The following SELENOP variants were observed in gnomAD, a reference collection of about 807,000 sequenced individuals.
The protein encoded by SELENOP is selenoprotein P, plasma, 1.
In SELENOP, 36 loss-of-function variants were observed where a neutral mutation model predicts 41.0. The observed-to-expected ratio is 0.88, with a 90% CI of 0.67 to 1.16. SELENOP has a LOEUF of 1.16. Ranked by LOEUF, SELENOP falls within the 50% of genes most tolerant of loss-of-function variation. The pLI is 0.00. For missense variants in SELENOP, 440 were observed against 454.2 expected (o/e 0.97, Z 0.28); for synonymous variants, 144 against 150.8 (o/e 0.95, Z 0.33).
intron 1 of SELENOP, among the ~76,000 whole-genome samples, chr5:42,811,447 C>T (rs1230324921): frequency 6.6e-6 from 1 of 152,224 alleles, no homozygotes; most frequent in Admixed American, 6.5e-5. Flanking sequence ...AGTGTCTGCT[C>T]TTCAAATCCA....
At position 42,808,906 on chromosome 5, in the gene SELENOP, C is replaced by T. The variant is rs1373555095; in HGVS notation, c.-13-540G>A. Among the ~76,000 whole-genome samples the T allele has an allele frequency of 4.2e-5, 6 of 142,670 alleles. No homozygotes were observed. The South Asian group carries it at 9.4e-4, about 22-fold the overall frequency. The allele number at this position is 142,670 out of a possible 152,430, so 93.6% of individuals were successfully genotyped here. On this transcript the variant is annotated intron_variant, in intron 1 of 4. Coordinates refer to ENST00000514985, the MANE Select transcript of SELENOP (RefSeq NM_005410.4). ...CTGCACTCCAGCCTGGGCGACAGAA[C>T]GAGACTCTGTCTCAAAAAAAAAAAA... is the stretch of plus-strand genomic sequence containing the variant.
chr5:42,804,907 T>G, intron 3 of SELENOP, 134 bp from the exon 4 acceptor site: 2 of 529,464 alleles, frequency 3.8e-6, no homozygotes, highest in East Asian at 6.3e-5. Flanking sequence ...TAAATTTCTT[T>G]GGATGAGAGC....
chr5:42,807,090 T>C lies in SELENOP; in HGVS notation c.222A>G (p.Val74=), dbSNP rs1760348671. The C allele has an allele frequency of 6.7e-7, 1 of 1,493,372 alleles. No homozygotes were observed. 92.5% of individuals were successfully genotyped at this position (1,493,372 alleles called of 1,614,324 possible). Residue 74 remains valine, a synonymous_variant, in exon 3 of 5, where the codon GTA becomes GTG. Transcript: ENST00000514985. ...LQASKLEDLR[V]KLKKEGYSNI... ...TAGAATATCCTTCTTTCTTCAGTTT[T>C]ACTCGCAGGTCTTCTAATCTAAAAT... is the stretch of plus-strand genomic sequence containing the variant.
chr5:42,802,206 G>A (rs949161514), intron 4 of SELENOP: 3 of 152,028 alleles, frequency 2.0e-5, no homozygotes, highest in East Asian at 1.9e-4. Flanking sequence ...TATCCATTCC[G>A]CATGATCCTA....
At position 42,808,182 on chromosome 5, in the gene SELENOP, T is replaced by G; in HGVS notation, c.172A>C (p.Ser58Arg). The change falls in exon 2 of 5, where the codon AGC becomes CGC. Residue 58 changes from serine to arginine, a missense_variant. By Grantham distance (110) the Ser-to-Arg change is moderately radical. Transcript: ENST00000514985. ...SVTVVALLQA[S>R]UYLCILQASK... is the part of the protein sequence containing the mutation. ...GCCTGCAGTATGCACAGGTATCAGC[T>G]GGCTTGAAGAAGAGCAACCACAGTC... is the stretch of plus-strand genomic sequence containing the variant. 1 of 1,567,440 alleles carries G rather than the reference T, an allele frequency of 6.4e-7. No homozygotes were observed. Among genetic ancestry groups the G allele is most frequent in the Non-Finnish European group, 8.6e-7 (1 of 1,158,330 alleles).
rs1760169050 is a variant in SELENOP at position 42,800,771 on chromosome 5, G to A, written c.1095C>T (p.Ala365=). ...SQQLIPTEAS[A]SURUKNQAKK... is the part of the protein sequence containing the mutation. ...TTGCCTGATTCTTTCAGCGTCAACTGGCACTGGCTTCTGTGGGTATAAGCT... is the reference window on the plus strand; with the variant it reads ...TTGCCTGATTCTTTCAGCGTCAACTAGCACTGGCTTCTGTGGGTATAAGCT... The change falls in exon 5 of 5, where the codon GCC becomes GCT. Residue 365 remains alanine (A), a synonymous_variant. Transcript: ENST00000514985. The A allele has an allele frequency of 6.2e-7, 1 of 1,612,740 alleles. No homozygotes were observed. Among genetic ancestry groups the A allele is most frequent in the African/African-American group, 1.3e-5 (1 of 74,896 alleles).
At chr5:42,810,888 T>C in intron 1 of SELENOP, 4 of 384,614 alleles carry the variant, frequency 1.0e-5, no homozygotes, top group Non-Finnish European at 1.5e-5. Flanking sequence ...GTTCACACTT[T>C]CGGATTTCTT....
chr5:42,810,155 A>T (rs952691571), intron 1 of SELENOP, among the ~76,000 whole-genome samples: 2 of 152,336 alleles, frequency 1.3e-5, no homozygotes, highest in South Asian at 4.1e-4. Flanking sequence ...AGAGAAAGTC[A>T]GTCACAAAAG....
At position 42,808,298 on chromosome 5, in the gene SELENOP, G is replaced by T. The variant is rs1223824857; in HGVS notation, c.56C>A (p.Thr19Lys). 1.3e-6 allele frequency: 2 copies of T among 1,534,352 alleles called. No homozygotes were observed. The change falls in exon 2 of 5, where the codon ACA (threonine) becomes AAA (lysine). Residue 19 changes from threonine (T) to lysine (K), a missense_variant. Coordinates refer to ENST00000514985, the MANE Select transcript of SELENOP (RefSeq NM_005410.4). Reference protein sequence around the residue: ...LALCLLPSGGTESQDQSSLCK... With the variant: ...LALCLLPSGGKESQDQSSLCK... ...TAAGGAGCTTTGGTCCTGGCTCTCT[G>T]TTCCTCCCGATGGGAGGAGACAGAG... is the stretch of plus-strand genomic sequence containing the variant.
intron 4 of SELENOP, among the ~76,000 whole-genome samples, chr5:42,804,236 C>A (rs1339263314): frequency 1.3e-5 from 2 of 152,134 alleles, no homozygotes; most frequent in East Asian, 3.8e-4. Flanking sequence ...CCGAGGCGGG[C>A]GTATCACAAG....
rs767050970 is a variant in SELENOP at position 42,800,794 on chromosome 5, G to A, written c.1072C>T (p.Leu358Phe). Residue 358 changes from leucine (L) to phenylalanine (F), a missense_variant, in exon 5 of 5, where the codon CTT becomes TTT. Coordinates refer to ENST00000514985, the MANE Select transcript of SELENOP (RefSeq NM_005410.4). ...CTGGCACTGGCTTCTGTGGGTATAA[G>A]CTGCTGACTTATTTGTCAGGCAGCT... The part of the protein sequence containing the change: ...PPAAUQISQQ[L>F]IPTEASASUR... The A allele has an allele frequency of 6.8e-6, 11 of 1,614,172 alleles. No homozygotes were observed. In the South Asian group the frequency reaches 1.2e-4, roughly 18 times the overall value.
chr5:42,799,924 T>C lies in SELENOP; in HGVS notation c.*796A>G. On this transcript the variant is annotated 3_prime_UTR_variant, in exon 5 of 5. Transcript: ENST00000514985. ...TGAATTTATTTGGACAAATCCGTACTGTATCCAATTCTGTACTGCATTCTT... is the reference window on the plus strand; with the variant it reads ...TGAATTTATTTGGACAAATCCGTACCGTATCCAATTCTGTACTGCATTCTT... 3 of 895,768 alleles carry C rather than the reference T, an allele frequency of 3.3e-6. No individual in the cohort carries two copies. Among genetic ancestry groups the C allele is most frequent in the South Asian group, 1.6e-5 (1 of 61,078 alleles). 55.5% of individuals were successfully genotyped at this position (895,768 alleles called of 1,614,324 possible). A position where few individuals can be genotyped will look rare whatever the true frequency, so the allele number is the denominator to read the frequency against.
intron 1 of SELENOP, chr5:42,809,910 T>G (rs1321034075): frequency 5.1e-6 from 1 of 195,036 alleles, no homozygotes; most frequent in African/African-American, 2.4e-5. Context: ...AAGAAGAAGA[T>G]ATATTTGGAC....
In SELENOP at chr5:42,801,157, G is replaced by A. The variant is rs569570677; in HGVS notation, c.709C>T (p.His237Tyr). 6.2e-7 allele frequency: 1 copy of A among 1,614,158 alleles called. No individual in the cohort carries two copies. The highest frequency in any genetic ancestry group is 1.3e-5 in the African/African-American group (1 of 75,020). ...QQPGAPNAPT[H>Y]PAPPGLHHHH... is the part of the protein sequence containing the mutation. ...TGATGAAGGCCTGGAGGAGCAGGAT[G>A]AGTAGGAGCATTTGGTGCTCCTGGT... Residue 237 changes from histidine to tyrosine, a missense_variant, in exon 5 of 5, where the codon CAT becomes TAT. Transcript: ENST00000514985.
chr5:42,802,906 G>A (rs1346262440), intron 4 of SELENOP, among the ~76,000 whole-genome samples: 1 of 152,204 alleles, frequency 6.6e-6, no homozygotes, highest in Non-Finnish European at 1.5e-5. Flanking sequence ...ACCGCACCCT[G>A]CCAGTAGTCT....
In SELENOP at chr5:42,800,049, A is replaced by T. The variant is rs1200634508; in HGVS notation, c.*671T>A. 8.8e-6 allele frequency: 3 copies of T among 341,980 alleles called. No individual in the cohort carries two copies. Among genetic ancestry groups the T allele is most frequent in the African/African-American group, 2.1e-5 (1 of 46,556 alleles). The allele number at this position is 341,980 out of a possible 1,614,324, so 21.2% of individuals were successfully genotyped here. On this transcript the variant is annotated 3_prime_UTR_variant, in exon 5 of 5. Transcript: ENST00000514985. The stretch of plus-strand genomic sequence containing the variant: ...GAAATACTTACTAAGCAATATAGAG[A>T]CAGACAATATTATCTTTCCCCTTAT...
Position 42,806,993 on chromosome 5 carries a change from C to A in SELENOP, c.319G>T (p.Val107Phe). Residue 107 changes from valine to phenylalanine, a missense_variant, in exon 3 of 5, where the codon GTT (valine) becomes TTT (phenylalanine). Transcript: ENST00000514985. ...TGATAAACAGGAATATGCTCTGAAA[C>A]CTTATTCTTAAGATGTGTGTATTTT... ...RLKYTHLKNK[V>F]SEHIPVYQQE... The A allele has an allele frequency of 1.9e-6, 3 of 1,607,484 alleles. No individual in the cohort carries two copies. The highest frequency in any genetic ancestry group is 2.6e-6 in the Non-Finnish European group (3 of 1,174,688).
At position 42,808,317 on chromosome 5, in the gene SELENOP, G is replaced by A. The variant is rs370888824; in HGVS notation, c.37C>T (p.Leu13Phe). Residue 13 changes from leucine to phenylalanine, a missense_variant, in exon 2 of 5, where the codon CTC becomes TTC. Coordinates refer to ENST00000514985, the MANE Select transcript of SELENOP (RefSeq NM_005410.4). ...CTCTCTGTTCCTCCCGATGGGAGGA[G>A]ACAGAGAGCCAGGGCAAGCCCCAGG... ...RSLGLALALC[L>F]LPSGGTESQD... 77 of 1,459,574 alleles carry A rather than the reference G, an allele frequency of 5.3e-5. No individual in the cohort carries two copies. Among genetic ancestry groups the A allele is most frequent in the South Asian group, 4.0e-4 (27 of 67,166 alleles). The allele number at this position is 1,459,574 out of a possible 1,614,324, so 90.4% of individuals were successfully genotyped here.
At chr5:42,809,671 T>C (rs1760418206) in intron 1 of SELENOP, 1 of 317,606 alleles carries the variant, frequency 3.1e-6, no homozygotes, top group African/African-American at 2.2e-5. Context: ...TAAAATCAGA[T>C]TGATCTGGGC....
Sources: allele counts gnomAD v4.1 joint callset (sites outside exome capture counted in the v4.1 genomes callset), GRCh38; gene constraint gnomAD v4.1.1; transcripts MANE v1.5; gene names NCBI Gene and HGNC (gene_info 2026-07-23, HGNC 2026-07-21).